The following SPTA1 variants were observed in gnomAD, a reference collection of about 807,000 sequenced individuals.
The protein encoded by SPTA1 is spectrin alpha chain, erythrocytic 1.
In SPTA1, 177 loss-of-function variants were observed where a neutral mutation model predicts 324.7. That is an observed-to-expected ratio of 0.55 (90% CI 0.48 to 0.62). The LOEUF (loss-of-function observed/expected upper bound fraction) is 0.62. Ranked by LOEUF, SPTA1 falls within the 20% of genes least tolerant of loss-of-function variation. SPTA1 has a pLI of 0.00. For synonymous variants in SPTA1, 1,195 were observed against 1,041.3 expected (o/e 1.15, Z -2.84); for missense variants, 3,162 against 2,883.6 (o/e 1.10, Z -2.21).
rs1333085047 is a variant in SPTA1, at chr1:158,635,851, C to G, written c.5432+62G>C. ...TGCTGAGCAGGCACTTAAGTATCCT[C>G]CCAACACCTGCCCAATATCCAAAAT... On this transcript the variant is annotated intron_variant, in intron 38 of 51. Transcript: ENST00000643759. 43 of 1,613,046 alleles carry G rather than the reference C, an allele frequency of 2.7e-5. No homozygotes were observed. The South Asian group carries it at 4.6e-4, about 17-fold the overall frequency.
intron 43 of SPTA1, chr1:158,620,768 AG>A (rs1281542098): frequency 7.2e-6 from 2 of 277,910 alleles, no homozygotes; most frequent in Non-Finnish European, 1.4e-5. Flanking sequence ...AAAGTAGCAA[AG>A]GTAGTTTTCA....
chr1:158,612,719 C>A (rs1034871553), intron 51 of SPTA1, 98 bp downstream of exon 51: 41 of 1,311,776 alleles, frequency 3.1e-5, no homozygotes, highest in Admixed American at 1.5e-4. Flanking sequence ...AAAAAAAAAA[C>A]AAGTGGGTGG....
chr1:158,650,669 T>C (rs1200854453), intron 24 of SPTA1, among the ~76,000 whole-genome samples: 1 of 152,228 alleles, frequency 6.6e-6, no homozygotes, highest in South Asian at 2.1e-4. Flanking sequence ...TTTGAATTCA[T>C]GTAATTGAGA....
At chr1:158,640,371 C>T (rs1651456724) in intron 33 of SPTA1, among the ~76,000 whole-genome samples, 1 of 152,156 alleles carries the variant, frequency 6.6e-6, no homozygotes, top group Non-Finnish European at 1.5e-5. Context: ...CTGGGCATCA[C>T]TCCTTTTCTC....
rs769900665 is a variant in SPTA1 at position 158,642,496 on chromosome 1, C to T, written c.4652G>A (p.Arg1551Gln). Residue 1551 changes from arginine to glutamine, a missense_variant, in exon 33 of 52, where the codon CGA becomes CAA. Arg to Gln is a conservative substitution (Grantham distance 43). Coordinates refer to ENST00000643759, the MANE Select transcript of SPTA1 (RefSeq NM_003126.4). Reference protein sequence around the residue: ...HQTFAHEVDGRSEQVHGVINL... With the variant: ...HQTFAHEVDGQSEQVHGVINL... The stretch of plus-strand genomic sequence containing the variant: ...GATGACGCCATGCACCTGCTCAGAT[C>T]GGCCATCGACTTCATGTGCAAAGGT... 5.0e-6 allele frequency: 8 copies of T among 1,613,492 alleles called. No individual in the cohort carries two copies. Among genetic ancestry groups the T allele is most frequent in the South Asian group, 1.1e-5 (1 of 91,074 alleles).
intron 16 of SPTA1, among the ~76,000 whole-genome samples, chr1:158,665,868 C>A (rs77001631): frequency 0.19 from 28,541 of 151,966 alleles, 2,722 homozygotes; most frequent in South Asian, 0.26. Context: ...TACAGAGATG[C>A]AAAAAGTGAA....
chr1:158,665,021 C>G (rs1459823018), intron 16 of SPTA1, among the ~76,000 whole-genome samples: 1 of 152,126 alleles, frequency 6.6e-6, no homozygotes, highest in Non-Finnish European at 1.5e-5. Flanking sequence ...CTTTAACATT[C>G]TATATCTAAA....
intron 39 of SPTA1, among the ~76,000 whole-genome samples, chr1:158,632,419 T>C (rs1650743559): frequency 6.6e-6 from 1 of 152,214 alleles, no homozygotes; most frequent in African/African-American, 2.4e-5. Context: ...ATAAATGTAT[T>C]AAGAGAGTAG....
At chr1:158,618,158 A>C (rs1048260098) in intron 45 of SPTA1, 102 bp from the exon 46 acceptor site, 8 of 1,272,314 alleles carry the variant, frequency 6.3e-6, no homozygotes, top group Middle Eastern at 1.8e-4. Flanking sequence ...TTTATGAAAC[A>C]TTTTAAATCT....
Position 158,669,548 on chromosome 1 carries a change from C to G in SPTA1, c.1693G>C (p.Asp565His). ...AIRDGLLARRDALREKAATRR... is the reference protein window; with the variant it reads ...AIRDGLLARRHALREKAATRR... ...GTGGCAGCCTTTTCACGTAGGGCAT[C>G]CCGCCGGGCTAACAGCTGCAAAAAC... Residue 565 changes from aspartate to histidine, a missense_variant, in exon 14 of 52, where the codon GAT becomes CAT. By Grantham distance (81) the Asp-to-His change is moderately conservative (BLOSUM62 -1). Transcript: ENST00000643759. 2 of 1,614,102 alleles carry G rather than the reference C, an allele frequency of 1.2e-6. No homozygotes were observed. The highest frequency in any genetic ancestry group is 2.2e-5 in the East Asian group (1 of 44,866).
At position 158,677,683 on chromosome 1, in the gene SPTA1, G is replaced by A. The variant is rs369937649; in HGVS notation, c.957+7C>T. The A allele has an allele frequency of 1.1e-4, 172 of 1,612,862 alleles. 1 individual carries two copies. Among genetic ancestry groups the A allele is most frequent in the Admixed American group, 5.0e-4 (30 of 59,834 alleles). On this transcript the variant is annotated splice_region_variant and intron_variant, in intron 7 of 51. Coordinates refer to ENST00000643759, the MANE Select transcript of SPTA1 (RefSeq NM_003126.4). ...ACGGGTTAGCCATTTCTCTAACAGC[G>A]CATTACCTTGTCACTCATGACAGCA...
chr1:158,653,893 A>G (rs915393264), intron 21 of SPTA1, among the ~76,000 whole-genome samples: 1 of 152,106 alleles, frequency 6.6e-6, no homozygotes, highest in East Asian at 1.9e-4. Flanking sequence ...TTTATTTTTG[A>G]ACTGTTGCCA....
At chr1:158,663,518 G>A (rs758221805) in intron 16 of SPTA1, among the ~76,000 whole-genome samples, 112 of 152,290 alleles carry the variant, frequency 7.4e-4, no homozygotes, top group Non-Finnish European at 1.2e-3. Context: ...GAGAGATACA[G>A]AAACAGGATT....
chr1:158,670,337 A>C (rs566409392), intron 12 of SPTA1, among the ~76,000 whole-genome samples: 26 of 152,226 alleles, frequency 1.7e-4, no homozygotes, highest in Non-Finnish European at 2.8e-4. Context: ...AATTGATTGG[A>C]ATAAGAAAAT....
At position 158,619,101 on chromosome 1, in the gene SPTA1, G is replaced by T. The variant is rs1014602770; in HGVS notation, c.6530+121C>A. 8 of 966,812 alleles carry T rather than the reference G, an allele frequency of 8.3e-6. No homozygotes were observed. The South Asian group carries it at 1.1e-4, about 13-fold the overall frequency. The allele number at this position is 966,812 out of a possible 1,614,324, so 59.9% of individuals were successfully genotyped here. ...AAATATAAAGCATAGGCAAGATATGGGGATTTTAGGGCAGAATACATGCTC... is the reference window on the plus strand; with the variant it reads ...AAATATAAAGCATAGGCAAGATATGTGGATTTTAGGGCAGAATACATGCTC... On this transcript the variant is annotated intron_variant, in intron 45 of 51. Coordinates refer to ENST00000643759, the MANE Select transcript of SPTA1 (RefSeq NM_003126.4).
chr1:158,637,969 A>G (rs754007620), intron 36 of SPTA1, 64 bp downstream of exon 36: 19 of 1,551,232 alleles, frequency 1.2e-5, no homozygotes, highest in Admixed American at 5.0e-5. Flanking sequence ...ATAAATTGGA[A>G]CAAGTTTGGT....
intron 39 of SPTA1, among the ~76,000 whole-genome samples, chr1:158,630,139 A>G (rs1486029396): frequency 2.0e-5 from 3 of 152,046 alleles, no homozygotes; most frequent in Non-Finnish European, 4.4e-5. Flanking sequence ...ACAGAAATAG[A>G]AAAATCAATT....
chr1:158,678,579 T>C, intron 5 of SPTA1, 45 bp from the exon 6 acceptor site: 4 of 1,602,908 alleles, frequency 2.5e-6, no homozygotes, highest in Middle Eastern at 3.3e-4. Flanking sequence ...GATGAGATTA[T>C]ATTTAAAAAA....
chr1:158,623,314 A>T (rs1650043138), intron 42 of SPTA1, 122 bp from the exon 43 acceptor site: 3 of 881,896 alleles, frequency 3.4e-6, no homozygotes, highest in African/African-American at 1.6e-5. Flanking sequence ...TGATTAAGAA[A>T]AAGGAAATAT....
Sources: allele counts gnomAD v4.1 joint callset (sites outside exome capture counted in the v4.1 genomes callset), GRCh38; gene constraint gnomAD v4.1.1; transcripts MANE v1.5; gene names NCBI Gene and HGNC (gene_info 2026-07-23, HGNC 2026-07-21).